Variants in PRIM2 observed in about 807,000 individuals in gnomAD.
The protein encoded by PRIM2 is DNA primase large subunit.
PRIM2 carries 39 observed loss-of-function variants against 67.3 expected under a neutral mutation model. That is an observed-to-expected ratio of 0.58 (90% confidence interval 0.45 to 0.76). The LOEUF is 0.76. PRIM2 is among the 30% of genes least tolerant of loss of function. The pLI, the probability that PRIM2 is intolerant of heterozygous loss-of-function variation, is 0.00. For synonymous variants in PRIM2, 143 were observed against 198.7 expected (o/e 0.72, Z 2.36); for missense variants, 398 against 598.7 (o/e 0.66, Z 3.50).
At chr6:57,414,022 A>G (rs1404741349) in intron 7 of PRIM2, among the ~76,000 whole-genome samples, 2 of 152,114 alleles carry the variant, frequency 1.3e-5, no homozygotes, top group Admixed American at 6.5e-5. Flanking sequence ...CTATGACTAC[A>G]TTGATGTGGA....
At chr6:57,439,545 A>T (rs1225905501) in intron 7 of PRIM2, among the ~76,000 whole-genome samples, 1 of 149,284 alleles carries the variant, frequency 6.7e-6, no homozygotes, top group South Asian at 2.1e-4. Flanking sequence ...CCTCCCGAGT[A>T]GCTGAGATTA....
intron 7 of PRIM2, among the ~76,000 whole-genome samples, chr6:57,439,968 C>T (rs1772149583): frequency 6.6e-6 from 1 of 152,076 alleles, no homozygotes; most frequent in South Asian, 2.1e-4. Flanking sequence ...TTATAAATTA[C>T]ATGTATATGC....
chr6:57,330,384 T>TTTTTTTTTTTTTTTTTTTTTTTTTTG (rs1562696759), intron 5 of PRIM2, among the ~76,000 whole-genome samples: 2 of 35,148 alleles, frequency 5.7e-5, no homozygotes, highest in African/African-American at 1.2e-4. Context: ...TGTTTTTTTG[T>TTTTTTTTTTTTTTTTTTTTTTTTTTG]TTTTTTTTTT....
the PRIM2 span, among the ~76,000 whole-genome samples, chr6:57,287,083 G>A: frequency 6.6e-6 from 1 of 152,210 alleles, no homozygotes; most frequent in South Asian, 2.1e-4. Context: ...TGTTAGAATG[G>A]TAATCGTTAA....
intron 7 of PRIM2, among the ~76,000 whole-genome samples, chr6:57,446,681 A>G (rs1166633118): frequency 1.3e-5 from 2 of 151,932 alleles, no homozygotes; most frequent in African/African-American, 4.8e-5. Flanking sequence ...TTGTTTAAGG[A>G]GCCCTTAAAC....
chr6:57,472,178 C>T (rs1289908879), intron 7 of PRIM2, among the ~76,000 whole-genome samples: 53 of 151,810 alleles, frequency 3.5e-4, no homozygotes, highest in African/African-American at 1.2e-3. Context: ...GTTTGTAATC[C>T]CAGCACTTTG....
At chr6:57,338,137 A>G (rs1186529862) in intron 5 of PRIM2, among the ~76,000 whole-genome samples, 1 of 151,600 alleles carries the variant, frequency 6.6e-6, no homozygotes, top group Admixed American at 6.6e-5. Context: ...CGACACATAC[A>G]CTCTCCCAAG....
intron 5 of PRIM2, among the ~76,000 whole-genome samples, chr6:57,362,210 G>A (rs1769222938): frequency 6.6e-6 from 1 of 151,910 alleles, no homozygotes; most frequent in African/African-American, 2.4e-5. Flanking sequence ...TTCACACCAG[G>A]TAAAAAAATA....
In PRIM2 at chr6:57,488,557, C is replaced by T. The variant is rs1395604480; in HGVS notation, c.694-18830C>T. On this transcript the variant is annotated intron_variant, in intron 7 of 13. Transcript: ENST00000615550. ...ATTCTGAGAATGTTTTTGTACTTAC[C>T]GAGCAAGTGAGACCTGTTACCACCT... Among the ~76,000 whole-genome samples the T allele has an allele frequency of 7.2e-5, 11 of 152,288 alleles. No individual in the cohort carries two copies. In the South Asian group the frequency reaches 8.3e-4, roughly 11 times the overall value.
At chr6:57,279,692 T>TA in the PRIM2 span, among the ~76,000 whole-genome samples, 1 of 152,218 alleles carries the variant, frequency 6.6e-6, no homozygotes, top group Non-Finnish European at 1.5e-5. Flanking sequence ...TACTATGTGC[T>TA]AGCACTGTGC....
intron 7 of PRIM2, among the ~76,000 whole-genome samples, chr6:57,432,361 G>A (rs1771865086): frequency 6.6e-6 from 1 of 151,544 alleles, no homozygotes; most frequent in Admixed American, 6.6e-5. Flanking sequence ...TTTCTTCGAA[G>A]TCAGAAGACT....
intron 12 of PRIM2, among the ~76,000 whole-genome samples, chr6:57,621,699 T>A (rs1413555894): frequency 1.3e-5 from 2 of 152,168 alleles, no homozygotes; most frequent in African/African-American, 4.8e-5. Flanking sequence ...TTTAAATCAT[T>A]TGAGAAAAAA....
At chr6:57,270,638 G>T in the PRIM2 span, among the ~76,000 whole-genome samples, 1 of 152,036 alleles carries the variant, frequency 6.6e-6, no homozygotes, top group Non-Finnish European at 1.5e-5. Context: ...CTGCCTGATT[G>T]CCCCGGCCAG....
chr6:57,445,621 G>T (rs890152565), intron 7 of PRIM2, among the ~76,000 whole-genome samples: 15 of 152,108 alleles, frequency 9.9e-5, no homozygotes, highest in Non-Finnish European at 1.5e-4. Flanking sequence ...CAGCCACTAT[G>T]CTGATTCCTG....
At chr6:57,586,352 G>T (rs1776186854) in intron 10 of PRIM2, among the ~76,000 whole-genome samples, 1 of 152,090 alleles carries the variant, frequency 6.6e-6, no homozygotes, top group Non-Finnish European at 1.5e-5. Flanking sequence ...TGTGTGGTTG[G>T]GTTGGGTGAG....
At chr6:57,224,870 A>G in the PRIM2 span, among the ~76,000 whole-genome samples, 1 of 152,232 alleles carries the variant, frequency 6.6e-6, no homozygotes, top group Admixed American at 6.5e-5. Context: ...AGAACAGAAG[A>G]AACACTCTGC....
intron 5 of PRIM2, among the ~76,000 whole-genome samples, chr6:57,363,987 A>G (rs1262009494): frequency 6.7e-6 from 1 of 149,948 alleles, no homozygotes; most frequent in Non-Finnish European, 1.5e-5. Context: ...TTTTTTCTGA[A>G]CTATTTCCCA....
intron 5 of PRIM2, among the ~76,000 whole-genome samples, chr6:57,349,768 C>CT (rs35096698): frequency 6.6e-6 from 1 of 151,954 alleles, no homozygotes; most frequent in East Asian, 1.9e-4. Context: ...TTCTACTTTT[C>CT]TTTTTTAACA....
intron 7 of PRIM2, among the ~76,000 whole-genome samples, chr6:57,389,756 A>G (rs2127346146): frequency 6.6e-6 from 1 of 152,258 alleles, no homozygotes; most frequent in South Asian, 2.1e-4. Flanking sequence ...ATCCTCTTAA[A>G]TCTTGTATCC....
Sources: allele counts gnomAD v4.1 joint callset (sites outside exome capture counted in the v4.1 genomes callset), GRCh38; gene constraint gnomAD v4.1.1; transcripts MANE v1.5; gene names NCBI Gene and HGNC (gene_info 2026-07-23, HGNC 2026-07-21).